Variants in CCNY observed in about 807,000 individuals in gnomAD.
CCNY encodes the protein cyclin Y, also known as cyclin-Y.
CCNY carries 19 observed loss-of-function variants against 42.8 expected under a neutral mutation model. The observed-to-expected ratio is 0.44, with a 90% CI of 0.31 to 0.65. CCNY has a LOEUF of 0.65. Among genes scored for constraint, CCNY ranks in the 30% least tolerant of loss-of-function variants. The probability of loss-of-function intolerance (pLI) is 0.07; values close to 1 mark genes in which losing one functional copy is unlikely to be tolerated. For missense variants in CCNY, 370 were observed against 437.3 expected (o/e 0.85, Z 1.37); for synonymous variants, 165 against 162.7 (o/e 1.01, Z -0.11).
At chr10:35,446,206 T>C (rs1691912789) in intron 1 of CCNY, among the ~76,000 whole-genome samples, 1 of 152,228 alleles carries the variant, frequency 6.6e-6, no homozygotes, top group Non-Finnish European at 1.5e-5. Context: ...TGGAAGGAAA[T>C]GATGGCTATT....
chr10:35,279,126 T>C (rs1035042771), intron 3 of CCNY, among the ~76,000 whole-genome samples: 8 of 149,486 alleles, frequency 5.4e-5, no homozygotes, highest in African/African-American at 2.0e-4. Flanking sequence ...TTTTTTTTTT[T>C]TTTTTTTGAG....
intron 1 of CCNY, among the ~76,000 whole-genome samples, chr10:35,441,944 A>G (rs1297417042): frequency 6.6e-6 from 1 of 152,266 alleles, no homozygotes; most frequent in African/African-American, 2.4e-5. Flanking sequence ...ATCATACTTA[A>G]GAGAATACCC....
chr10:35,329,958 A>G (rs1835923535), intron 3 of CCNY, among the ~76,000 whole-genome samples: 1 of 152,208 alleles, frequency 6.6e-6, no homozygotes. Context: ...TTATAGCTGC[A>G]GTGCGTTTTG....
Position 35,453,732 on chromosome 10 carries a change from T to A in CCNY, c.155-29672T>A, listed in dbSNP as rs139181174. ...ATCAGTAGGTGAAAGAAAATCTGGC[T>A]TTTTTAAGGCTCTTTGTATATTGAA... is the stretch of plus-strand genomic sequence containing the variant. On this transcript the variant is annotated intron_variant, in intron 1 of 9. Transcript: ENST00000374704. Among the ~76,000 whole-genome samples, 512 of 152,330 alleles carry A rather than the reference T, an allele frequency of 3.4e-3. 4 individuals carry two copies. Among genetic ancestry groups the A allele is most frequent in the African/African-American group, 0.012 (482 of 41,574 alleles).
intron 3 of CCNY, among the ~76,000 whole-genome samples, chr10:35,281,732 ACCGTGGAATAGTATTCAG>A (rs551716124): frequency 2.7e-4 from 41 of 152,318 alleles, no homozygotes; most frequent in African/African-American, 9.6e-4. Context: ...ATAAAACCAT[ACCGTGGAATAGTATTCAG>A]CCATAAAAGG....
At chr10:35,493,512 T>G (rs530355945) in intron 2 of CCNY, among the ~76,000 whole-genome samples, 12 of 152,370 alleles carry the variant, frequency 7.9e-5, no homozygotes, top group African/African-American at 2.4e-4. Flanking sequence ...GTGGCTTATG[T>G]TTTTGGCTGG....
At chr10:35,421,572 G>A (rs977132879) in intron 1 of CCNY, among the ~76,000 whole-genome samples, 3 of 152,150 alleles carry the variant, frequency 2.0e-5, no homozygotes, top group African/African-American at 2.4e-5. Context: ...ATTTAGAAGC[G>A]TCGGGTGGCT....
Position 35,533,322 on chromosome 10 carries a change from T to G in CCNY, c.579+3079T>G, listed in dbSNP as rs528756207. On this transcript the variant is annotated intron_variant, in intron 7 of 9. Coordinates refer to ENST00000374704, the MANE Select transcript of CCNY (RefSeq NM_145012.6). ...TTTTTTTTCTCACTTTGCACGCTCC[T>G]CTGTTCAGAACCTGTGGTGGTTCCC... Among the ~76,000 whole-genome samples, 10 of 152,236 alleles carry G rather than the reference T, an allele frequency of 6.6e-5. No homozygotes were observed. In the South Asian group the frequency reaches 1.7e-3, roughly 25 times the overall value.
upstream of CCNY, among the ~76,000 whole-genome samples, chr10:35,334,198 A>T (rs1378434830): frequency 6.6e-6 from 1 of 152,176 alleles, no homozygotes; most frequent in Non-Finnish European, 1.5e-5. Context: ...GCAGCCAGCC[A>T]TGCTGTCACC....
chr10:35,534,489 T>C (rs919415827), intron 7 of CCNY, among the ~76,000 whole-genome samples: 1 of 152,128 alleles, frequency 6.6e-6, no homozygotes, highest in Non-Finnish European at 1.5e-5. Context: ...GATTCCGGCA[T>C]AAGGGAAGGG....
chr10:35,408,377 G>T (rs1398018023), intron 1 of CCNY, among the ~76,000 whole-genome samples: 1 of 152,198 alleles, frequency 6.6e-6, no homozygotes, highest in African/African-American at 2.4e-5. Context: ...GTGCCGGCAG[G>T]CTGAGTCAGA....
At chr10:35,400,726 G>C (rs1295474501) in intron 1 of CCNY, among the ~76,000 whole-genome samples, 1 of 152,078 alleles carries the variant, frequency 6.6e-6, no homozygotes, top group East Asian at 1.9e-4. Context: ...GAAAGCAAGG[G>C]CGTGTTTTCT....
intron 3 of CCNY, among the ~76,000 whole-genome samples, chr10:35,322,837 A>G (rs903014222): frequency 6.6e-6 from 1 of 152,358 alleles, no homozygotes; most frequent in East Asian, 1.9e-4. Context: ...TGATAATAGC[A>G]AGTATTGGTG....
upstream of CCNY, among the ~76,000 whole-genome samples, chr10:35,332,733 C>G (rs1835960759): frequency 6.6e-6 from 1 of 152,032 alleles, no homozygotes; most frequent in South Asian, 2.1e-4. Context: ...GCCTCCCGAG[C>G]AGCTGGAGCT....
chr10:35,471,997 A>G (rs1211396495), intron 1 of CCNY, among the ~76,000 whole-genome samples: 1 of 152,266 alleles, frequency 6.6e-6, no homozygotes, highest in Admixed American at 6.5e-5. Context: ...CTTAGAGAAC[A>G]GAAATTGTGT....
chr10:35,297,705 C>T (rs1835487855), intron 3 of CCNY, among the ~76,000 whole-genome samples: 1 of 152,082 alleles, frequency 6.6e-6, no homozygotes, highest in Admixed American at 6.6e-5. Context: ...AACATCCAAG[C>T]TGAGAGCCAA....
intron 3 of CCNY, among the ~76,000 whole-genome samples, chr10:35,290,755 A>AGGCAGAG: frequency 6.6e-6 from 1 of 152,140 alleles, no homozygotes; most frequent in Non-Finnish European, 1.5e-5. Flanking sequence ...TGAGGTCAGG[A>AGGCAGAG]GTTCGAAACC....
chr10:35,550,506 C>G (rs1277366361), intron 7 of CCNY, among the ~76,000 whole-genome samples: 1 of 152,102 alleles, frequency 6.6e-6, no homozygotes, highest in Non-Finnish European at 1.5e-5. Context: ...TCTACCCTTA[C>G]TCCCTTGCCC....
intron 1 of CCNY, among the ~76,000 whole-genome samples, chr10:35,348,223 C>T (rs908360269): frequency 6.6e-6 from 1 of 152,220 alleles, no homozygotes; most frequent in Admixed American, 6.5e-5. Flanking sequence ...TGTTTATTCA[C>T]TCTAATGTTA....
Sources: allele counts gnomAD v4.1 joint callset (sites outside exome capture counted in the v4.1 genomes callset), GRCh38; gene constraint gnomAD v4.1.1; transcripts MANE v1.5; gene names NCBI Gene and HGNC (gene_info 2026-07-23, HGNC 2026-07-21).